NEURL1B: variants seen among roughly 807,000 people sequenced by gnomAD.
NEURL1B encodes the protein E3 ubiquitin-protein ligase NEURL1B.
NEURL1B carries 13 observed loss-of-function variants against 37.4 expected under a neutral mutation model. The ratio of observed to expected loss-of-function variants is 0.35; its 90% CI spans 0.23 to 0.55. The LOEUF is 0.55. NEURL1B is among the 20% of genes least tolerant of loss of function. The pLI is 0.89. For missense variants in NEURL1B, 790 were observed against 879.2 expected, an observed-to-expected ratio of 0.90 and a Z score of 1.28; for synonymous variants, 432 against 426.6, an observed-to-expected ratio of 1.01 and a Z score of -0.16.
chr5:172,666,235 T>G (rs926512948), intron 1 of NEURL1B, among the ~76,000 whole-genome samples: 2 of 152,104 alleles, frequency 1.3e-5, no homozygotes, highest in African/African-American at 2.4e-5. Flanking sequence ...CACACCTGGC[T>G]TCAATCCCTG....
At chr5:172,652,565 G>T (rs528109803) in intron 1 of NEURL1B, among the ~76,000 whole-genome samples, 3 of 152,330 alleles carry the variant, frequency 2.0e-5, no homozygotes, top group Non-Finnish European at 2.9e-5. Context: ...GTGGTCCACA[G>T]AACGTTGGAC....
At chr5:172,663,835 A>C (rs112078806) in intron 1 of NEURL1B, among the ~76,000 whole-genome samples, 1 of 91,010 alleles carries the variant, frequency 1.1e-5, no homozygotes. Flanking sequence ...TTTGTTTATT[A>C]TTATTATTAT....
At chr5:172,658,241 G>A (rs558632788) in intron 1 of NEURL1B, among the ~76,000 whole-genome samples, 5 of 152,166 alleles carry the variant, frequency 3.3e-5, no homozygotes, top group South Asian at 2.1e-4. Flanking sequence ...TCTCGTCTCC[G>A]CACACAGGGA....
chr5:172,683,893 G>A lies in NEURL1B; in HGVS notation c.1052G>A (p.Arg351Gln). ...GITSCDPGVLRPNELPADPDA... is the reference protein window; with the variant it reads ...GITSCDPGVLQPNELPADPDA... ...ACGTCGTGCGACCCGGGCGTGCTACGGCCCAACGAGCTGCCCGCCGACCCA... is the reference window on the plus strand; with the variant it reads ...ACGTCGTGCGACCCGGGCGTGCTACAGCCCAACGAGCTGCCCGCCGACCCA... Residue 351 changes from arginine to glutamine, a missense_variant, in exon 3 of 5, where the codon CGG (arginine) becomes CAG (glutamine). Around this residue, in one of 3 missense-constraint regions of NEURL1B, gnomAD observed 460 missense variants for 407.4 expected, o/e 1.13. Transcript: ENST00000369800. This position sits in a 1 kb window ranked among gnomAD's most constrained non-coding sequence, Gnocchi z 5.6. The A allele has an allele frequency of 2.1e-6, 3 of 1,413,128 alleles. No individual in the cohort carries two copies. The highest frequency in any genetic ancestry group is 1.5e-5 in the African/African-American group (1 of 66,640). The allele number at this position is 1,413,128 out of a possible 1,614,324, so 87.5% of individuals were successfully genotyped here.
intron 2 of NEURL1B, among the ~76,000 whole-genome samples, chr5:172,678,368 C>G (rs1025590423): frequency 6.6e-6 from 1 of 152,190 alleles, no homozygotes; most frequent in African/African-American, 2.4e-5. Context: ...AACCCATCTT[C>G]CCAGCCCTGA....
At chr5:172,653,004 G>A (rs1318606555) in intron 1 of NEURL1B, among the ~76,000 whole-genome samples, 1 of 151,988 alleles carries the variant, frequency 6.6e-6, no homozygotes, top group East Asian at 1.9e-4. Flanking sequence ...TTGGTGGTTA[G>A]CAGCACAAGG....
intron 1 of NEURL1B, among the ~76,000 whole-genome samples, chr5:172,644,708 A>C (rs1757529427): frequency 1.3e-5 from 2 of 152,226 alleles, no homozygotes; most frequent in Admixed American, 1.3e-4. Flanking sequence ...GACACTTTGC[A>C]TACAGTTAGG....
Position 172,649,219 on chromosome 5 carries a change from G to A in NEURL1B, c.31+7782G>A, listed in dbSNP as rs941082719. On this transcript the variant is annotated intron_variant, in intron 1 of 4. Transcript: ENST00000369800. ...CAAACTGGGACTTGACATGGTTCTT[G>A]CAGAGGCCCTGGAGTATCCAATGCA... Among the ~76,000 whole-genome samples the A allele has an allele frequency of 3.3e-5, 5 of 152,174 alleles. 1 individual carries two copies. The South Asian group carries it at 8.3e-4, about 25-fold the overall frequency.
chr5:172,642,177 G>A (rs1317907959), intron 1 of NEURL1B, among the ~76,000 whole-genome samples: 1 of 152,224 alleles, frequency 6.6e-6, no homozygotes, highest in Non-Finnish European at 1.5e-5. Flanking sequence ...GCCCGTGGAG[G>A]TTCAGTGCCC....
Position 172,683,357 on chromosome 5 carries a change from G to A in NEURL1B, c.578-62G>A. 1 of 1,264,226 alleles carries A rather than the reference G, an allele frequency of 7.9e-7. No homozygotes were observed. The highest frequency in any genetic ancestry group is 1.0e-6 in the Non-Finnish European group (1 of 1,002,014). 78.3% of individuals were successfully genotyped at this position (1,264,226 alleles called of 1,614,324 possible). On this transcript the variant is annotated intron_variant, in intron 2 of 4. Transcript: ENST00000369800. The surrounding 1 kb of genome is among the most constrained non-coding windows in gnomAD (Gnocchi z 5.6). ...CTGCAGGAGGCAGCGGGCGAGGAGG[G>A]GCTCGCGACCAGCCTGACGCGCGGC...
chr5:172,650,776 C>A (rs918160080), intron 1 of NEURL1B, among the ~76,000 whole-genome samples: 2 of 152,210 alleles, frequency 1.3e-5, no homozygotes, highest in African/African-American at 2.4e-5. Context: ...ATCCCTGACG[C>A]ACGTGACCCC....
intron 1 of NEURL1B, among the ~76,000 whole-genome samples, chr5:172,660,356 G>C (rs1475005855): frequency 6.6e-6 from 1 of 152,234 alleles, no homozygotes; most frequent in African/African-American, 2.4e-5. Context: ...CAAGCTGAGA[G>C]GTCTGCCACT....
chr5:172,663,079 T>C (rs1390015284), intron 1 of NEURL1B, among the ~76,000 whole-genome samples: 1 of 102,434 alleles, frequency 9.8e-6, no homozygotes, highest in Non-Finnish European at 2.0e-5. Context: ...CCGGGTGTGG[T>C]GGCACACACC....
Position 172,686,911 on chromosome 5 carries a change from A to T in NEURL1B, c.1654A>T (p.Ile552Phe). The change falls in exon 5 of 5, where the codon ATC (isoleucine) becomes TTC (phenylalanine). Residue 552 changes from isoleucine to phenylalanine, a missense_variant. Transcript: ENST00000369800. The surrounding 1 kb of genome is among the most constrained non-coding windows in gnomAD (Gnocchi z 7.9). ...GCGGCCCATCAAGGACGTCATTAAG[A>T]TCTACAGGCCATAGCCTAGCCTGCC... ...CRRPIKDVIK[I>F]YRP The T allele has an allele frequency of 2.6e-6, 4 of 1,549,074 alleles. No individual in the cohort carries two copies. The highest frequency in any genetic ancestry group is 3.5e-6 in the Non-Finnish European group (4 of 1,145,684).
Position 172,675,224 on chromosome 5 carries a change from G to C in NEURL1B, c.577+4894G>C, listed in dbSNP as rs1581434900. On this transcript the variant is annotated intron_variant, in intron 2 of 4. Coordinates refer to ENST00000369800, the MANE Select transcript of NEURL1B (RefSeq NM_001142651.3). The surrounding 1 kb of genome is among the most constrained non-coding windows in gnomAD (Gnocchi z 4.7). ...TAGATTTGTTTTATATGCTTATGTG[G>C]ATGGTATTGTGCTAAGGACCTTATT... Among the ~76,000 whole-genome samples, 1 of 152,254 alleles carries C rather than the reference G, an allele frequency of 6.6e-6. No homozygotes were observed. Among genetic ancestry groups the C allele is most frequent in the African/African-American group, 2.4e-5 (1 of 41,534 alleles).
intron 1 of NEURL1B, among the ~76,000 whole-genome samples, chr5:172,667,320 C>G (rs113692213): frequency 2.1e-5 from 3 of 142,506 alleles, no homozygotes; most frequent in African/African-American, 5.3e-5. Flanking sequence ...GTGGTGCACA[C>G]CTGCAATCCC....
intron 1 of NEURL1B, among the ~76,000 whole-genome samples, chr5:172,644,694 TTAAGACACTTTGCA>T (rs1757529233): frequency 6.6e-6 from 1 of 152,202 alleles, no homozygotes; most frequent in South Asian, 2.1e-4. Flanking sequence ...TTTAAAGAGA[TTAAGACACTTTGCA>T]TACAGTTAGG....
chr5:172,654,595 T>A lies in NEURL1B; in HGVS notation c.31+13158T>A, dbSNP rs561941922. On this transcript the variant is annotated intron_variant, in intron 1 of 4. Coordinates refer to ENST00000369800, the MANE Select transcript of NEURL1B (RefSeq NM_001142651.3). ...TATTTTTTTTTTTTTTTTTTTTTAC[T>A]TAGGATAGTTCTGAACTGGTGAGGT... Among the ~76,000 whole-genome samples the A allele has an allele frequency of 1.3e-3, 183 of 144,572 alleles. 4 individuals carry two copies. The highest frequency in any genetic ancestry group is 9.5e-3 in the Admixed American group (135 of 14,246). 94.8% of individuals were successfully genotyped at this position (144,572 alleles called of 152,430 possible). A position where few individuals can be genotyped will look rare whatever the true frequency, so the allele number is the denominator to read the frequency against.
chr5:172,686,931 C>A lies in NEURL1B; in HGVS notation c.*6C>A, dbSNP rs751080557. The A allele has an allele frequency of 2.6e-6, 4 of 1,540,302 alleles. No individual in the cohort carries two copies. In the South Asian group the frequency reaches 4.8e-5, roughly 18 times the overall value. ...TTAAGATCTACAGGCCATAGCCTAG[C>A]CTGCCCACGGGCCTTGGCCGGTGCA... On this transcript the variant is annotated 3_prime_UTR_variant, in exon 5 of 5. Transcript: ENST00000369800. This position sits in a 1 kb window ranked among gnomAD's most constrained non-coding sequence, Gnocchi z 7.9.
Sources: allele counts gnomAD v4.1 joint callset (sites outside exome capture counted in the v4.1 genomes callset), GRCh38; gene constraint gnomAD v4.1.1; regional missense constraint gnomAD v4.1.1; non-coding constraint Gnocchi (gnomAD v3.1); transcripts MANE v1.5; gene names NCBI Gene and HGNC (gene_info 2026-07-23, HGNC 2026-07-21).